Variants in PLAA observed in about 807,000 individuals in gnomAD.
PLAA encodes the protein phospholipase A2 activating protein.
PLAA carries 48 observed loss-of-function variants against 84.1 expected under a neutral mutation model. The ratio of observed to expected loss-of-function variants is 0.57; its 90% CI spans 0.45 to 0.73. PLAA has a LOEUF of 0.73. Ranked by LOEUF, PLAA falls within the 30% of genes least tolerant of loss-of-function variation. PLAA has a pLI of 0.00. For missense variants in PLAA, 903 were observed against 954.7 expected (o/e 0.95, Z 0.71); for synonymous variants, 392 against 336.6 (o/e 1.16, Z -1.80).
In PLAA at chr9:26,930,214, C is replaced by T. The variant is rs561519424; in HGVS notation, c.344-1806G>A. On this transcript the variant is annotated intron_variant, in intron 2 of 13. Coordinates refer to ENST00000397292, the MANE Select transcript of PLAA (RefSeq NM_001031689.3). ...CTGCCTCCCGGGTTCACGCCATTCT[C>T]CTGCCTCAGCCTCCCGAGTGGCTGG... Among the ~76,000 whole-genome samples, 20 of 151,846 alleles carry T rather than the reference C, an allele frequency of 1.3e-4. No individual in the cohort carries two copies. The East Asian group carries it at 3.3e-3, about 25-fold the overall frequency.
chr9:26,934,476 T>TTTTA (rs1825293691), intron 2 of PLAA, among the ~76,000 whole-genome samples: 1 of 2,584 alleles, frequency 3.9e-4, no homozygotes, highest in Admixed American at 5.3e-3. Context: ...AACACTTTAC[T>TTTTA]TTTTTTTTTT....
At chr9:26,944,788 G>C (rs941498865) in intron 1 of PLAA, among the ~76,000 whole-genome samples, 1 of 152,164 alleles carries the variant, frequency 6.6e-6, no homozygotes, top group Non-Finnish European at 1.5e-5. Flanking sequence ...CTTCATCAGT[G>C]TTAGATAAAT....
intron 1 of PLAA, among the ~76,000 whole-genome samples, chr9:26,942,131 T>C (rs959261489): frequency 3.3e-5 from 5 of 152,156 alleles, no homozygotes; most frequent in African/African-American, 1.2e-4. Flanking sequence ...CAAAATAAAA[T>C]AACTTTCAGA....
rs41271175 is a variant in PLAA, at chr9:26,928,080, C to T, written c.565+20G>A. On this transcript the variant is annotated intron_variant, in intron 4 of 13. Transcript: ENST00000397292. ...AATAAAAAGCAATGATATTATAAAA[C>T]TTGTCTACCCTGATCTTACCTGAAA... The T allele has an allele frequency of 7.6e-6, 12 of 1,582,040 alleles. No homozygotes were observed. The highest frequency in any genetic ancestry group is 3.5e-5 in the South Asian group (3 of 85,180).
chr9:26,941,648 A>C (rs1825547428), intron 1 of PLAA, among the ~76,000 whole-genome samples: 1 of 152,230 alleles, frequency 6.6e-6, no homozygotes, highest in Non-Finnish European at 1.5e-5. Flanking sequence ...AAATACCTTA[A>C]AACATTTTTT....
At chr9:26,915,820 T>C (rs953263720) in intron 10 of PLAA, 3 of 985,310 alleles carry the variant, frequency 3.0e-6, no homozygotes, top group East Asian at 2.3e-4. Flanking sequence ...CTGGTATTAG[T>C]TGAAGCTTGA....
intron 10 of PLAA, chr9:26,915,990 CAA>C: frequency 1.0e-6 from 1 of 985,378 alleles, no homozygotes; most frequent in Non-Finnish European, 1.2e-6. Context: ...ATTATGTTAT[CAA>C]AGACTTCCTT....
chr9:26,946,462 T>C (rs1406998080), intron 1 of PLAA, among the ~76,000 whole-genome samples: 1 of 143,418 alleles, frequency 7.0e-6, no homozygotes, highest in African/African-American at 2.6e-5. Flanking sequence ...TTTTGAGAAC[T>C]AAAGTCTTCA....
chr9:26,907,760 T>C (rs997489136), intron 13 of PLAA, 74 bp downstream of exon 13: 1 of 1,271,968 alleles, frequency 7.9e-7, no homozygotes, highest in South Asian at 1.3e-5. Flanking sequence ...AATCCACAAA[T>C]ACCAGTAATA....
intron 10 of PLAA, 50 bp downstream of exon 10, chr9:26,917,047 A>T (rs1244160909): frequency 7.0e-7 from 1 of 1,431,960 alleles, no homozygotes; most frequent in South Asian, 1.2e-5. Flanking sequence ...GTGATGCAAG[A>T]TGCTATACAT....
At chr9:26,908,078 A>C in intron 12 of PLAA, 80 bp from the exon 13 acceptor site, 1 of 1,061,398 alleles carries the variant, frequency 9.4e-7, no homozygotes, top group Non-Finnish European at 1.4e-6. Flanking sequence ...CTTTCAATAA[A>C]AGTACTCTAG....
intron 6 of PLAA, among the ~76,000 whole-genome samples, chr9:26,924,421 AC>A (rs1824876693): frequency 6.6e-6 from 1 of 152,172 alleles, no homozygotes; most frequent in South Asian, 2.1e-4. Flanking sequence ...AGTGTGAGCC[AC>A]AGCAGCTGGC....
chr9:26,916,495 C>T lies in PLAA; in HGVS notation c.1486+602G>A, dbSNP rs74341520. 2.5e-3 allele frequency: 2,448 copies of T among 986,898 alleles called. 6 individuals carry two copies. The highest frequency in any genetic ancestry group is 2.7e-3 in the Non-Finnish European group (2,259 of 829,922). 61.1% of individuals were successfully genotyped at this position (986,898 alleles called of 1,614,324 possible). A position where few individuals can be genotyped will look rare whatever the true frequency, so the allele number is the denominator to read the frequency against. On this transcript the variant is annotated intron_variant, in intron 10 of 13. Transcript: ENST00000397292. ...AACACTTCAAGGGCTTCAAGAAGGA[C>T]ATTAATAACTTAGATTAGGAAGACT...
chr9:26,934,995 A>C lies in PLAA; in HGVS notation c.343+18T>G. 2.7e-6 allele frequency: 4 copies of C among 1,504,302 alleles called. No individual in the cohort carries two copies. The highest frequency in any genetic ancestry group is 3.6e-6 in the Non-Finnish European group (4 of 1,120,210). The allele number at this position is 1,504,302 out of a possible 1,614,324, so 93.2% of individuals were successfully genotyped here. ...TAAAACTTCAAATAGAAAAACACCA[A>C]AGCATTATTATACTCACCAGTATTT... On this transcript the variant is annotated intron_variant, in intron 2 of 13. Coordinates refer to ENST00000397292, the MANE Select transcript of PLAA (RefSeq NM_001031689.3).
chr9:26,927,244 C>A (rs1461163827), intron 4 of PLAA, among the ~76,000 whole-genome samples: 1 of 151,388 alleles, frequency 6.6e-6, no homozygotes, highest in Non-Finnish European at 1.5e-5. Context: ...CCTCAGCCTC[C>A]CGAATAGCTG....
rs1311242015 is a variant in PLAA at position 26,923,162 on chromosome 9, A to G, written c.1039+16T>C. On this transcript the variant is annotated intron_variant, in intron 7 of 13. Coordinates refer to ENST00000397292, the MANE Select transcript of PLAA (RefSeq NM_001031689.3). ...ATATGGTGAATTTTTTCTACTAGGT[A>G]CAATAAAATACTTACCAGGTTCATT... 3 of 1,544,062 alleles carry G rather than the reference A, an allele frequency of 1.9e-6. No homozygotes were observed. The highest frequency in any genetic ancestry group is 2.6e-6 in the Non-Finnish European group (3 of 1,137,776).
intron 9 of PLAA, among the ~76,000 whole-genome samples, 166 bp from the exon 10 acceptor site, chr9:26,917,331 A>T (rs888086530): frequency 2.6e-5 from 4 of 152,242 alleles, no homozygotes; most frequent in Admixed American, 2.0e-4. Context: ...ATAACTGGGA[A>T]AAAACTGAAA....
intron 2 of PLAA, among the ~76,000 whole-genome samples, chr9:26,933,230 T>C (rs1284949516): frequency 6.6e-6 from 1 of 151,164 alleles, no homozygotes. Flanking sequence ...ATCACGCCAC[T>C]GCACTCCAGC....
At chr9:26,918,224 G>A (rs1175646367) in intron 9 of PLAA, among the ~76,000 whole-genome samples, 1 of 151,038 alleles carries the variant, frequency 6.6e-6, no homozygotes, top group East Asian at 1.9e-4. Context: ...TGATTCTCCT[G>A]CCTCAGTTTT....
Sources: allele counts gnomAD v4.1 joint callset (sites outside exome capture counted in the v4.1 genomes callset), GRCh38; gene constraint gnomAD v4.1.1; transcripts MANE v1.5; gene names NCBI Gene and HGNC (gene_info 2026-07-23, HGNC 2026-07-21).